ADGRG4: variants seen among roughly 807,000 people sequenced by gnomAD.
The protein encoded by ADGRG4 is G protein-coupled receptor 112.
In ADGRG4, 122 loss-of-function variants were observed where a neutral mutation model predicts 126.2. That is an observed-to-expected ratio of 0.97 (90% CI 0.83 to 1.12). The LOEUF is 1.12. Ranked by LOEUF, ADGRG4 falls within the 50% of genes most tolerant of loss-of-function variation. The pLI is 0.00. For missense variants in ADGRG4, 2,481 were observed against 2,251.8 expected, an observed-to-expected ratio of 1.10 and a Z score of -2.06; for synonymous variants, 943 against 838.7, an observed-to-expected ratio of 1.12 and a Z score of -2.15.
At chrX:136,392,708 A>G (rs1348553917) in intron 17 of ADGRG4, among the ~76,000 whole-genome samples, 1 of 112,425 alleles carries the variant, frequency 8.9e-6, no homozygotes, top group Non-Finnish European at 1.9e-5. Context: ...CAGAAATAAC[A>G]TTAAAACGTG....
At chrX:136,309,592 G>A (rs2074755032) in intron 4 of ADGRG4, among the ~76,000 whole-genome samples, 2 of 111,915 alleles carry the variant, frequency 1.8e-5, no homozygotes, top group Non-Finnish European at 3.8e-5. Context: ...TGTTTAATTT[G>A]AACGGTCCTC....
chrX:136,334,080 CTTTCTTTCTTTCTTTCTTTCTTTCTT>C (rs2074932474), intron 5 of ADGRG4, among the ~76,000 whole-genome samples: 1 of 7,814 alleles, frequency 1.3e-4, no homozygotes, highest in Non-Finnish European at 2.1e-4. Context: ...CTCTCTCTTT[CTTTCTTTCTTTCTTTCTTTCTTTCTT>C]TCTTTCTTTC....
At chrX:136,390,316 C>T (rs747753365) in intron 16 of ADGRG4, among the ~76,000 whole-genome samples, 10 of 111,521 alleles carry the variant, frequency 9.0e-5, no homozygotes, top group Non-Finnish European at 1.9e-4. Context: ...CCTCCCAAAG[C>T]GTTAGGTTTA....
At chrX:136,358,472 C>A (rs1055707792) in intron 10 of ADGRG4, among the ~76,000 whole-genome samples, 1 of 112,018 alleles carries the variant, frequency 8.9e-6, no homozygotes, top group Non-Finnish European at 1.9e-5. Flanking sequence ...TTCAAAAAGC[C>A]GTGTCTACAA....
intron 21 of ADGRG4, among the ~76,000 whole-genome samples, chrX:136,402,771 C>T (rs749635844): frequency 9.0e-5 from 10 of 111,390 alleles, no homozygotes; most frequent in East Asian, 8.5e-4. Context: ...AAACTAGTAA[C>T]GAGTGTGGAA....
rs759631595 is a variant in ADGRG4 at position 136,379,584 on chromosome X, T to C, written c.7776+6520T>C. ...TCTCTATTCTTCTCCTCTTCTTCCC[T>C]TGCTGTCCTCTGTTTTCCTTTCCTC... On this transcript the variant is annotated intron_variant, in intron 15 of 25. Coordinates refer to ENST00000394143, the MANE Select transcript of ADGRG4 (RefSeq NM_153834.4). 1.8e-3 allele frequency among the ~76,000 whole-genome samples: 197 copies of C among 107,110 alleles called. 1 individual carries two copies. Among genetic ancestry groups the C allele is most frequent in the Non-Finnish European group, 2.7e-3 (139 of 51,817 alleles). The allele number at this position is 107,110 out of a possible 115,157, so 93.0% of individuals were successfully genotyped here. A position where few individuals can be genotyped will look rare whatever the true frequency, so the allele number is the denominator to read the frequency against.
intron 5 of ADGRG4, among the ~76,000 whole-genome samples, chrX:136,324,331 T>C (rs1408305517): frequency 2.7e-5 from 3 of 112,225 alleles, no homozygotes; most frequent in Non-Finnish European, 5.6e-5. Context: ...TGCAAAATAA[T>C]GATGTTTAAA....
chrX:136,347,313 G>A lies in ADGRG4; in HGVS notation c.3607G>A (p.Gly1203Ser), dbSNP rs771063613. The A allele has an allele frequency of 2.5e-6, 3 of 1,208,628 alleles. No individual in the cohort carries two copies. The highest frequency in any genetic ancestry group is 3.4e-6 in the Non-Finnish European group (3 of 894,365). Reference protein sequence around the residue: ...GGGVVASLATGTTETSVVDET... With the variant: ...GGGVVASLATSTTETSVVDET... The stretch of plus-strand genomic sequence containing the variant: ...TGGAGTTGTTGCCAGCTTGGCTACT[G>A]GCACCACAGAGACCTCTGTTGTTGA... The change falls in exon 6 of 26, where the codon GGC becomes AGC. Residue 1203 changes from glycine to serine, a missense_variant. Physicochemically the swap from Gly to Ser is moderately conservative, Grantham distance 56. Transcript: ENST00000394143.
At chrX:136,371,093 T>G (rs7056434) in intron 13 of ADGRG4, among the ~76,000 whole-genome samples, 340 of 112,010 alleles carry the variant, frequency 3.0e-3, no homozygotes, top group African/African-American at 9.9e-3. Context: ...CCCTGGTGCA[T>G]TTGAAAAAGG....
rs958692641 is a variant in ADGRG4 at position 136,403,094 on chromosome X, T to G, written c.8576-150T>G. ...CTTGAAATGCTTAACTTGGAAGAAT[T>G]CACAAACATTTTGCAAACAATAGTA... On this transcript the variant is annotated intron_variant, in intron 21 of 25. Coordinates refer to ENST00000394143, the MANE Select transcript of ADGRG4 (RefSeq NM_153834.4). 24 of 438,521 alleles carry G rather than the reference T, an allele frequency of 5.5e-5. No individual in the cohort carries two copies. In the African/African-American group the frequency reaches 5.8e-4, roughly 11 times the overall value. 36.1% of individuals were successfully genotyped at this position (438,521 alleles called of 1,213,427 possible). A position where few individuals can be genotyped will look rare whatever the true frequency, so the allele number is the denominator to read the frequency against.
At position 136,338,161 on chromosome X, in the gene ADGRG4, CT is replaced by C. The variant is rs370805966; in HGVS notation, c.686-6218del. On this transcript the variant is annotated intron_variant, in intron 5 of 25. Transcript: ENST00000394143. ...TCATTCTATAATTTCCACTTGGTTC[CT>C]TTTTTTTTTTTTCAATACAGAGTCT... Among the ~76,000 whole-genome samples the C allele has an allele frequency of 8.0e-3, 748 of 93,301 alleles. 7 individuals carry two copies. Among genetic ancestry groups the C allele is most frequent in the African/African-American group, 0.024 (621 of 25,851 alleles). The allele number at this position is 93,301 out of a possible 115,157, so 81.0% of individuals were successfully genotyped here.
intron 4 of ADGRG4, among the ~76,000 whole-genome samples, chrX:136,319,455 G>C (rs777385679): frequency 8.9e-6 from 1 of 111,871 alleles, no homozygotes; most frequent in South Asian, 3.8e-4. Context: ...CCATCTTACT[G>C]TGGAAGAACG....
chrX:136,367,872 A>G (rs780136083), intron 13 of ADGRG4, among the ~76,000 whole-genome samples: 129 of 112,608 alleles, frequency 1.1e-3, no homozygotes, highest in African/African-American at 3.8e-3. Context: ...TCACAGAGTT[A>G]GAAAAGGTAC....
intron 19 of ADGRG4, among the ~76,000 whole-genome samples, chrX:136,396,594 CAA>C (rs771100359): frequency 1.2e-4 from 7 of 57,371 alleles, no homozygotes; most frequent in African/African-American, 1.7e-4. Flanking sequence ...GAACCTGTCC[CAA>C]AAAAAAAAAA....
intron 13 of ADGRG4, among the ~76,000 whole-genome samples, chrX:136,369,769 C>T (rs893993705): frequency 8.9e-6 from 1 of 111,949 alleles, no homozygotes; most frequent in East Asian, 2.8e-4. Flanking sequence ...AAATGTTAAT[C>T]GAGAAACAAC....
intron 5 of ADGRG4, among the ~76,000 whole-genome samples, chrX:136,341,247 T>A (rs1032437523): frequency 8.9e-5 from 10 of 112,785 alleles, no homozygotes; most frequent in African/African-American, 3.2e-4. Flanking sequence ...ACTCCAATAG[T>A]GCTCTTTGAA....
intron 4 of ADGRG4, 70 bp from the exon 5 acceptor site, chrX:136,322,707 CA>C: frequency 9.9e-7 from 1 of 1,005,566 alleles, no homozygotes; most frequent in Non-Finnish European, 1.4e-6. Context: ...ACTGTATTGC[CA>C]AATACAATAA....
rs990265087 is a variant in ADGRG4 at position 136,347,010 on chromosome X, G to A, written c.3304G>A (p.Ala1102Thr). Residue 1102 changes from alanine to threonine, a missense_variant, in exon 6 of 26, where the codon GCA becomes ACA. Coordinates refer to ENST00000394143, the MANE Select transcript of ADGRG4 (RefSeq NM_153834.4). ...TVISVRKTSM[A>T]VPSLTETPFH... ...AATCTCTGTCAGGAAGACATCCATG[G>A]CAGTTCCTTCTCTGACAGAAACACC... 2 of 1,208,322 alleles carry A rather than the reference G, an allele frequency of 1.7e-6. No individual in the cohort carries two copies. The highest frequency in any genetic ancestry group is 2.2e-6 in the Non-Finnish European group (2 of 894,110).
At chrX:136,381,046 A>T (rs2075261048) in intron 15 of ADGRG4, among the ~76,000 whole-genome samples, 1 of 110,484 alleles carries the variant, frequency 9.1e-6, no homozygotes, top group African/African-American at 3.3e-5. Context: ...GGATCTATAT[A>T]TCATTCATTT....
Sources: allele counts gnomAD v4.1 joint callset (sites outside exome capture counted in the v4.1 genomes callset), GRCh38; gene constraint gnomAD v4.1.1; transcripts MANE v1.5; gene names NCBI Gene and HGNC (gene_info 2026-07-23, HGNC 2026-07-21).